Variants in ARHGAP42 observed in about 807,000 individuals in gnomAD.
The protein encoded by ARHGAP42 is Rho GTPase activating protein 42.
In ARHGAP42, 63 loss-of-function variants were observed where a neutral mutation model predicts 125.0. The observed-to-expected ratio is 0.50, with a 90% confidence interval of 0.41 to 0.62. The LOEUF is 0.62. ARHGAP42 is among the 20% of genes least tolerant of loss of function. The pLI is 0.00. For synonymous variants in ARHGAP42, 339 were observed against 351.0 expected, an observed-to-expected ratio of 0.97 and a Z score of 0.38; for missense variants, 766 against 1,024.2, an observed-to-expected ratio of 0.75 and a Z score of 3.44.
chr11:100,944,821 C>T (rs1867975417), intron 10 of ARHGAP42, among the ~76,000 whole-genome samples: 1 of 151,942 alleles, frequency 6.6e-6, no homozygotes, highest in African/African-American at 2.4e-5. Flanking sequence ...GGTGAAGGAT[C>T]TTGCCTCGAT....
intron 1 of ARHGAP42, among the ~76,000 whole-genome samples, chr11:100,722,698 T>A (rs895147851): frequency 1.3e-5 from 2 of 152,240 alleles, no homozygotes; most frequent in African/African-American, 4.8e-5. Context: ...TTATTGTGTG[T>A]ATTTAACGTT....
chr11:100,780,280 TAGAG>T lies in ARHGAP42; in HGVS notation c.250+9845_250+9848del, dbSNP rs373129304. 2.5e-4 allele frequency among the ~76,000 whole-genome samples: 38 copies of T among 152,238 alleles called. No individual in the cohort carries two copies. In the East Asian group the frequency reaches 6.4e-3, roughly 26 times the overall value. On this transcript the variant is annotated intron_variant, in intron 2 of 23. Coordinates refer to ENST00000298815, the MANE Select transcript of ARHGAP42 (RefSeq NM_152432.4). ...AAAAGGCTTATTTCAGGGAGGTGGA[TAGAG>T]AGTCAAGGAGAACTTTTATCTATGG...
chr11:100,838,023 G>A (rs913239585), intron 3 of ARHGAP42, among the ~76,000 whole-genome samples: 3 of 150,860 alleles, frequency 2.0e-5, no homozygotes, highest in Non-Finnish European at 4.4e-5. Flanking sequence ...AAATAATTGA[G>A]CCCCATTCCC....
chr11:100,977,192 A>T (rs1166638986), intron 21 of ARHGAP42, among the ~76,000 whole-genome samples: 2 of 152,196 alleles, frequency 1.3e-5, no homozygotes, highest in African/African-American at 4.8e-5. Flanking sequence ...CACTTCAAGC[A>T]CTTTCCTTTG....
rs770274923 is a variant in ARHGAP42, at chr11:100,976,875, C to A, written c.2297C>A (p.Pro766His). ...ACTTCTGTAGGTTCCAAGGAGACACCCAAAGCTTCACCAAACCCAGACCTG... is the reference window on the plus strand; with the variant it reads ...ACTTCTGTAGGTTCCAAGGAGACACACAAAGCTTCACCAAACCCAGACCTG... ...SLTSVGSKET[P>H]KASPNPDLPP... The change falls in exon 21 of 24, where the codon CCC (proline) becomes CAC (histidine). Residue 766 changes from proline (P) to histidine (H), a missense_variant. By Grantham distance (77) the Pro-to-His change is moderately conservative (BLOSUM62 -2). Transcript: ENST00000298815. 6.4e-7 allele frequency: 1 copy of A among 1,551,424 alleles called. No homozygotes were observed. Among genetic ancestry groups the A allele is most frequent in the South Asian group, 1.2e-5 (1 of 84,050 alleles).
intron 4 of ARHGAP42, among the ~76,000 whole-genome samples, chr11:100,865,039 T>C (rs977001330): frequency 6.6e-6 from 1 of 152,182 alleles, no homozygotes; most frequent in Non-Finnish European, 1.5e-5. Context: ...AAAAATCATA[T>C]GAACATTCTT....
intron 4 of ARHGAP42, among the ~76,000 whole-genome samples, chr11:100,910,734 A>G (rs768788588): frequency 1.3e-5 from 2 of 150,906 alleles, no homozygotes; most frequent in Non-Finnish European, 3.0e-5. Context: ...TGTTTTCTAG[A>G]GCATGCTTCC....
intron 4 of ARHGAP42, among the ~76,000 whole-genome samples, chr11:100,877,260 G>A (rs1239531525): frequency 6.6e-6 from 1 of 151,846 alleles, no homozygotes; most frequent in Non-Finnish European, 1.5e-5. Flanking sequence ...CTCAGATGCA[G>A]TGACACTTAA....
intron 1 of ARHGAP42, among the ~76,000 whole-genome samples, chr11:100,754,115 C>T (rs868092484): frequency 2.0e-5 from 3 of 152,162 alleles, no homozygotes; most frequent in Non-Finnish European, 4.4e-5. Context: ...CTTATAACTA[C>T]ATGATAAAAT....
intron 3 of ARHGAP42, among the ~76,000 whole-genome samples, chr11:100,842,473 C>T (rs1033667133): frequency 9.9e-5 from 15 of 152,092 alleles, no homozygotes; most frequent in Admixed American, 3.3e-4. Flanking sequence ...TTTTCTCGGA[C>T]AATTAGCTTC....
intron 4 of ARHGAP42, among the ~76,000 whole-genome samples, chr11:100,864,056 A>G (rs900824314): frequency 6.6e-6 from 1 of 152,116 alleles, no homozygotes; most frequent in Non-Finnish European, 1.5e-5. Flanking sequence ...CTCTATTTCC[A>G]TTTCCATGAC....
chr11:100,796,824 C>T (rs916909413), intron 3 of ARHGAP42, among the ~76,000 whole-genome samples: 1 of 142,468 alleles, frequency 7.0e-6, no homozygotes, highest in Non-Finnish European at 1.5e-5. Context: ...GGCTGGAGTG[C>T]AGTGGCGCGA....
chr11:100,918,804 G>C (rs116225807), intron 5 of ARHGAP42, among the ~76,000 whole-genome samples: 2,117 of 152,290 alleles, frequency 0.014, 52 homozygotes, highest in African/African-American at 0.048. Flanking sequence ...ACACCTATAA[G>C]TGGCAAGCAG....
chr11:100,746,372 A>T (rs914363656), intron 1 of ARHGAP42, among the ~76,000 whole-genome samples: 5 of 152,206 alleles, frequency 3.3e-5, no homozygotes, highest in Admixed American at 3.3e-4. Flanking sequence ...TTGTTACCCC[A>T]GGCTGTAGAA....
intron 3 of ARHGAP42, among the ~76,000 whole-genome samples, chr11:100,811,714 A>G (rs1353779045): frequency 1.3e-5 from 2 of 151,666 alleles, no homozygotes; most frequent in Non-Finnish European, 2.9e-5. Flanking sequence ...TAGCCAGGCT[A>G]GTTTCAAACT....
chr11:100,828,901 A>G (rs1346063330), intron 3 of ARHGAP42, among the ~76,000 whole-genome samples: 2 of 152,158 alleles, frequency 1.3e-5, no homozygotes, highest in East Asian at 1.9e-4. Flanking sequence ...CAGTTGCCAC[A>G]TGCCCAGGAT....
chr11:100,982,950 T>C (rs535708054), intron 22 of ARHGAP42, among the ~76,000 whole-genome samples: 2 of 152,282 alleles, frequency 1.3e-5, no homozygotes, highest in East Asian at 3.9e-4. Flanking sequence ...GCAAAAAAAT[T>C]TGTGATGTTT....
At chr11:100,691,080 A>G (rs1861181647) in intron 1 of ARHGAP42, among the ~76,000 whole-genome samples, 1 of 152,186 alleles carries the variant, frequency 6.6e-6, no homozygotes, top group African/African-American at 2.4e-5. Context: ...AATCTATACA[A>G]ATCTTACCAT....
intron 10 of ARHGAP42, among the ~76,000 whole-genome samples, chr11:100,944,746 C>T (rs1396336886): frequency 1.3e-5 from 2 of 151,862 alleles, no homozygotes; most frequent in East Asian, 1.9e-4. Context: ...AATATACATC[C>T]CTTAAAATAT....
Sources: gnomAD v4.1 joint callset for allele counts (sites outside exome capture counted in the v4.1 genomes callset) on GRCh38, gnomAD v4.1.1 for gene constraint, MANE v1.5 for transcripts, NCBI Gene and HGNC (gene_info 2026-07-23, HGNC 2026-07-21) for gene names.